The following CACHD1 variants were observed in gnomAD, a reference collection of about 807,000 sequenced individuals.
The protein encoded by CACHD1 is VWFA and cache domain-containing protein 1.
Under a neutral mutation model 138.7 loss-of-function variants are expected in CACHD1, and 71 were observed. The observed-to-expected ratio is 0.51, with a 90% CI of 0.42 to 0.62. The LOEUF (loss-of-function observed/expected upper bound fraction) is 0.62. Ranked by LOEUF, CACHD1 falls within the 20% of genes least tolerant of loss-of-function variation. CACHD1 has a pLI of 0.00. For missense variants in CACHD1, 1,389 were observed against 1,625.3 expected, an observed-to-expected ratio of 0.85 and a Z score of 2.50; for synonymous variants, 578 against 591.5, an observed-to-expected ratio of 0.98 and a Z score of 0.33.
chr1:64,494,519 C>T lies in CACHD1; in HGVS notation c.198+23577C>T, dbSNP rs749226058. On this transcript the variant is annotated intron_variant, in intron 1 of 26. Transcript: ENST00000651257. The stretch of plus-strand genomic sequence containing the variant: ...TCCCAAAGCTTTGGGATGGTTCTAA[C>T]GACAAAGAATTTACATTTCTCTTTC... Among the ~76,000 whole-genome samples, 17 of 152,272 alleles carry T rather than the reference C, an allele frequency of 1.1e-4. No individual in the cohort carries two copies. The East Asian group carries it at 1.2e-3, about 10-fold the overall frequency.
chr1:64,691,400 G>A lies in CACHD1; in HGVS notation c.3664G>A (p.Val1222Met). 6.2e-7 allele frequency: 1 copy of A among 1,614,128 alleles called. No homozygotes were observed. The highest frequency in any genetic ancestry group is 1.6e-4 in the Middle Eastern group (1 of 6,062). The change falls in exon 27 of 27, where the codon GTG (valine) becomes ATG (methionine). Residue 1222 changes from valine to methionine, a missense_variant. Physicochemically the swap from Val to Met is conservative, Grantham distance 21. Coordinates refer to ENST00000651257, the MANE Select transcript of CACHD1 (RefSeq NM_020925.4). ...NNDPLSAGVDVGNHDEDLDLD... is the reference protein window; with the variant it reads ...NNDPLSAGVDMGNHDEDLDLD... ...TGACCCCTTGTCAGCCGGGGTCGAT[G>A]TGGGAAACCATGATGAGGACTTAGA...
chr1:64,636,698 G>A (rs979432604), intron 7 of CACHD1, among the ~76,000 whole-genome samples: 11 of 152,074 alleles, frequency 7.2e-5, no homozygotes, highest in African/African-American at 2.4e-4. Flanking sequence ...CTTTTAACAA[G>A]CTCATCTGAT....
chr1:64,593,203 G>A (rs955641354), intron 3 of CACHD1, among the ~76,000 whole-genome samples: 3 of 152,160 alleles, frequency 2.0e-5, no homozygotes, highest in African/African-American at 7.2e-5. Flanking sequence ...TTTTACGCCT[G>A]TAACTATGTC....
intron 1 of CACHD1, among the ~76,000 whole-genome samples, chr1:64,501,666 A>G (rs1052391487): frequency 9.2e-5 from 14 of 152,208 alleles, no homozygotes; most frequent in African/African-American, 3.4e-4. Context: ...CAACCATAGT[A>G]AGTGTAATAC....
intron 13 of CACHD1, among the ~76,000 whole-genome samples, chr1:64,661,954 C>T (rs1649461021): frequency 6.6e-6 from 1 of 152,122 alleles, no homozygotes; most frequent in Non-Finnish European, 1.5e-5. Context: ...TCTTGGAAAG[C>T]ATCAGAGCTA....
In CACHD1 at chr1:64,691,314, T is replaced by C; in HGVS notation, c.3587-9T>C. 6.2e-7 allele frequency: 1 copy of C among 1,612,458 alleles called. No individual in the cohort carries two copies. The highest frequency in any genetic ancestry group is 8.5e-7 in the Non-Finnish European group (1 of 1,178,556). ...TCTCAGCTGTGTGTTTGTTTTGTTC[T>C]TTTTCTAGGTTACAGCACCATGAGC... On this transcript the variant is annotated splice_polypyrimidine_tract_variant and intron_variant, in intron 26 of 26. Coordinates refer to ENST00000651257, the MANE Select transcript of CACHD1 (RefSeq NM_020925.4).
At chr1:64,664,036 G>A (rs115498435) in intron 14 of CACHD1, among the ~76,000 whole-genome samples, 199 bp downstream of exon 14, 14 of 152,300 alleles carry the variant, frequency 9.2e-5, no homozygotes, top group African/African-American at 3.4e-4. Context: ...GGGCCACATG[G>A]AGAATCTGTT....
Position 64,663,272 on chromosome 1 carries a change from G to A in CACHD1, c.1952-423G>A, listed in dbSNP as rs189173722. 7.2e-5 allele frequency among the ~76,000 whole-genome samples: 11 copies of A among 152,324 alleles called. No individual in the cohort carries two copies. In the East Asian group the frequency reaches 1.9e-3, roughly 27 times the overall value. Reference sequence around the variant, plus strand: ...GTGGCCCTTTAGATATTAAGCCGCCGCCGGGCGCAGTGGCTCATGCCTGTA... The same window carrying A: ...GTGGCCCTTTAGATATTAAGCCGCCACCGGGCGCAGTGGCTCATGCCTGTA... On this transcript the variant is annotated intron_variant, in intron 13 of 26. Coordinates refer to ENST00000651257, the MANE Select transcript of CACHD1 (RefSeq NM_020925.4).
intron 1 of CACHD1, among the ~76,000 whole-genome samples, chr1:64,547,684 C>G (rs1328691610): frequency 6.6e-6 from 1 of 152,136 alleles, no homozygotes; most frequent in Non-Finnish European, 1.5e-5. Context: ...GAACTTTTAA[C>G]CTTGCACCAA....
Position 64,470,714 on chromosome 1 carries a change from A to C in CACHD1, c.-31A>C, listed in dbSNP as rs1646137938. On this transcript the variant is annotated 5_prime_UTR_variant, in exon 1 of 27. Transcript: ENST00000651257. The surrounding 1 kb of genome is among the most constrained non-coding windows in gnomAD (Gnocchi z 5.2). ...CCGCGGCCCGCTTCCCCGCGCCCGGAGCCCGTCGGCGGGGAGTGGGGGGAG... is the reference window on the plus strand; with the variant it reads ...CCGCGGCCCGCTTCCCCGCGCCCGGCGCCCGTCGGCGGGGAGTGGGGGGAG... 2 of 506,054 alleles carry C rather than the reference A, an allele frequency of 4.0e-6. No individual in the cohort carries two copies. The highest frequency in any genetic ancestry group is 4.1e-5 in the African/African-American group (2 of 49,236). The allele number at this position is 506,054 out of a possible 1,614,324, so 31.3% of individuals were successfully genotyped here. A position where few individuals can be genotyped will look rare whatever the true frequency, so the allele number is the denominator to read the frequency against.
intron 1 of CACHD1, chr1:64,505,817 G>A (rs1646370121): frequency 7.0e-6 from 1 of 142,078 alleles, no homozygotes; most frequent in African/African-American, 2.7e-5. Context: ...GGACCCCGCG[G>A]CCCGCGAGGC....
chr1:64,629,725 G>A (rs761203324), intron 5 of CACHD1, among the ~76,000 whole-genome samples: 4 of 152,126 alleles, frequency 2.6e-5, no homozygotes, highest in Non-Finnish European at 4.4e-5. Flanking sequence ...GTACTTACTC[G>A]TGAAGTCAAA....
intron 1 of CACHD1, among the ~76,000 whole-genome samples, chr1:64,484,053 GC>G (rs1385065108): frequency 6.6e-6 from 1 of 151,996 alleles, no homozygotes; most frequent in East Asian, 1.9e-4. Context: ...TGTTCGTCAT[GC>G]CCCCTAACCT....
At chr1:64,629,596 T>G in intron 5 of CACHD1, 115 bp downstream of exon 5, 1 of 1,245,674 alleles carries the variant, frequency 8.0e-7, no homozygotes, top group Non-Finnish European at 1.1e-6. Context: ...ATTCAGAAAT[T>G]TGTACTTGTT....
intron 26 of CACHD1, among the ~76,000 whole-genome samples, chr1:64,684,423 A>G (rs1483519570): frequency 1.4e-5 from 2 of 142,106 alleles, no homozygotes; most frequent in African/African-American, 5.3e-5. Flanking sequence ...AAGGAGTTTA[A>G]AAAGTGAAAT....
chr1:64,647,439 C>T (rs147379346), intron 8 of CACHD1, among the ~76,000 whole-genome samples: 43 of 152,230 alleles, frequency 2.8e-4, no homozygotes, highest in African/African-American at 7.7e-4. Context: ...TAAATGCAGA[C>T]GTGTTGATTA....
intron 16 of CACHD1, among the ~76,000 whole-genome samples, chr1:64,667,529 CACTT>C (rs1449676605): frequency 1.3e-5 from 2 of 152,204 alleles, no homozygotes; most frequent in Non-Finnish European, 2.9e-5. Flanking sequence ...AACAAGTAAA[CACTT>C]ACTTAGAACA....
At position 64,553,591 on chromosome 1, in the gene CACHD1, C is replaced by T. The variant is rs147123251; in HGVS notation, c.261+2935C>T. 2.6e-3 allele frequency among the ~76,000 whole-genome samples: 390 copies of T among 152,218 alleles called. 2 individuals carry two copies. Among genetic ancestry groups the T allele is most frequent in the Middle Eastern group, 0.01 (3 of 294 alleles). ...GTGAAATTTATCAAATATATGGAGA[C>T]GTGTAAAACATACATATAAATAAAT... On this transcript the variant is annotated intron_variant, in intron 2 of 26. Transcript: ENST00000651257.
At position 64,675,539 on chromosome 1, in the gene CACHD1, C is replaced by T. The variant is rs1360594539; in HGVS notation, c.2866C>T (p.Arg956Ter). 6 of 1,610,942 alleles carry T rather than the reference C, an allele frequency of 3.7e-6. No homozygotes were observed. Among genetic ancestry groups the T allele is most frequent in the Admixed American group, 1.7e-5 (1 of 59,994 alleles). Residue 956 changes from arginine to a stop codon, truncating the protein, a stop_gained, in exon 20 of 27, where the codon CGA (arginine) becomes TGA (stop). Coordinates refer to ENST00000651257, the MANE Select transcript of CACHD1 (RefSeq NM_020925.4). LOFTEE classifies it high-confidence loss of function. ...LAFCACSMVDRLCLNCHRMEQ... is the reference protein window; with the variant it reads ...LAFCACSMVD ...CTTCTGTGCCTGCAGCATGGTGGAC[C>T]GACTCTGTCTCAACTGTCACCGGTA...
Sources: allele counts gnomAD v4.1 joint callset (sites outside exome capture counted in the v4.1 genomes callset), GRCh38; gene constraint gnomAD v4.1.1; non-coding constraint Gnocchi (gnomAD v3.1); transcripts MANE v1.5; gene names NCBI Gene and HGNC (gene_info 2026-07-23, HGNC 2026-07-21).